The following HTR2C variants were observed in gnomAD, a reference collection of about 807,000 sequenced individuals.
HTR2C encodes 5-hydroxytryptamine (serotonin) receptor 2C, G protein-coupled.
A neutral mutation model predicts 21.0 loss-of-function variants in HTR2C; 5 were observed. That is an observed-to-expected ratio of 0.24 (90% CI 0.12 to 0.50). The LOEUF is 0.50. Ranked by LOEUF, HTR2C falls within the 20% of genes least tolerant of loss-of-function variation. The pLI is 0.98. For missense variants in HTR2C, 271 were observed against 371.2 expected (o/e 0.73, Z 2.22); for synonymous variants, 150 against 145.3 (o/e 1.03, Z -0.23).
chrX:114,627,622 G>T (rs1429063608), intron 2 of HTR2C, among the ~76,000 whole-genome samples: 2 of 111,810 alleles, frequency 1.8e-5, no homozygotes, highest in Non-Finnish European at 3.8e-5. Context: ...CCTTAAGGAA[G>T]TGCTCTTATC....
chrX:114,725,935 A>G lies in HTR2C; in HGVS notation c.-79-923A>G, dbSNP rs1419215440. ...ATCTTCAATGCTGTCAGACAGGGAC[A>G]TTTAAGTCTGCAGAGGTTACTGCTG... On this transcript the variant is annotated intron_variant, in intron 2 of 5. Transcript: ENST00000276198. Among the ~76,000 whole-genome samples the G allele has an allele frequency of 2.8e-5, 3 of 108,510 alleles. No individual in the cohort carries two copies. In the Admixed American group the frequency reaches 3.0e-4, roughly 11 times the overall value. 94.2% of individuals were successfully genotyped at this position (108,510 alleles called of 115,157 possible).
At chrX:114,793,999 T>C (rs2070262608) in intron 4 of HTR2C, among the ~76,000 whole-genome samples, 1 of 111,124 alleles carries the variant, frequency 9.0e-6, no homozygotes, top group South Asian at 3.7e-4. Flanking sequence ...GTATGTACAG[T>C]GTTTTGTTAG....
intron 2 of HTR2C, among the ~76,000 whole-genome samples, chrX:114,650,415 A>G (rs1930515796): frequency 8.9e-6 from 1 of 111,816 alleles, no homozygotes; most frequent in Non-Finnish European, 1.9e-5. Flanking sequence ...TTTTCTCCCT[A>G]ATCTCAGTCT....
At chrX:114,664,068 A>C (rs1931087763) in intron 2 of HTR2C, among the ~76,000 whole-genome samples, 1 of 111,724 alleles carries the variant, frequency 9.0e-6, no homozygotes, top group Non-Finnish European at 1.9e-5. Context: ...TCATGGTATC[A>C]GTGAGGACTA....
intron 4 of HTR2C, among the ~76,000 whole-genome samples, chrX:114,835,505 T>A (rs2070773063): frequency 9.1e-6 from 1 of 109,884 alleles, no homozygotes; most frequent in African/African-American, 3.3e-5. Flanking sequence ...CATCGGCTCC[T>A]GAGGCTTCTG....
intron 2 of HTR2C, among the ~76,000 whole-genome samples, chrX:114,662,136 GA>G (rs781794191): frequency 1.3e-4 from 14 of 111,682 alleles, no homozygotes; most frequent in Non-Finnish European, 2.4e-4. Flanking sequence ...AATACAAAAT[GA>G]AAAGGCTGCC....
At chrX:114,818,706 A>C (rs1262848423) in intron 4 of HTR2C, among the ~76,000 whole-genome samples, 1 of 111,635 alleles carries the variant, frequency 9.0e-6, no homozygotes, top group Admixed American at 9.6e-5. Context: ...AAAAACAGGC[A>C]TACTAGAATA....
intron 2 of HTR2C, among the ~76,000 whole-genome samples, chrX:114,707,042 T>A (rs1426784755): frequency 1.8e-5 from 2 of 111,773 alleles, no homozygotes; most frequent in Non-Finnish European, 3.8e-5. Flanking sequence ...AAATTTCAAT[T>A]ACTATTGCAT....
rs1165309437 is a variant in HTR2C, at chrX:114,908,787, A to G, written c.*1372A>G. 8.9e-6 allele frequency: 1 copy of G among 112,840 alleles called. No homozygotes were observed. The highest frequency in any genetic ancestry group is 3.2e-5 in the African/African-American group (1 of 30,990). 9.3% of individuals were successfully genotyped at this position (112,840 alleles called of 1,213,427 possible). A position where few individuals can be genotyped will look rare whatever the true frequency, so the allele number is the denominator to read the frequency against. On this transcript the variant is annotated 3_prime_UTR_variant, in exon 6 of 6. Transcript: ENST00000276198. ...TCTAAGAATTCAGTAGCATTTTAATAGTTTCTAAACCATGAAAAGTTTTCA... is the reference window on the plus strand; with the variant it reads ...TCTAAGAATTCAGTAGCATTTTAATGGTTTCTAAACCATGAAAAGTTTTCA...
At chrX:114,774,781 A>G in intron 4 of HTR2C, 1 of 336,426 alleles carries the variant, frequency 3.0e-6, no homozygotes, top group South Asian at 5.1e-5. Flanking sequence ...TAGGTCCTTC[A>G]ATGTTTTAAA....
intron 2 of HTR2C, among the ~76,000 whole-genome samples, chrX:114,699,566 G>T (rs1171771846): frequency 4.5e-5 from 5 of 111,929 alleles, no homozygotes; most frequent in African/African-American, 1.6e-4. Context: ...ATAAATTAAT[G>T]ATGAATATCA....
chrX:114,597,079 G>A (rs1358738630), intron 1 of HTR2C, among the ~76,000 whole-genome samples: 2 of 109,295 alleles, frequency 1.8e-5, no homozygotes, highest in South Asian at 4.0e-4. Flanking sequence ...TTATCCCGGC[G>A]TGGTTGTGTG....
Position 114,806,215 on chromosome X carries a change from C to CTATATACCATA in HTR2C, c.350-41758_350-41748dup, listed in dbSNP as rs201977548. Among the ~76,000 whole-genome samples, 10 of 96,923 alleles carry CTATATACCATA rather than the reference C, an allele frequency of 1.0e-4. 1 individual carries two copies. The South Asian group carries it at 2.9e-3, about 28-fold the overall frequency. 84.2% of individuals were successfully genotyped at this position (96,923 alleles called of 115,157 possible). On this transcript the variant is annotated intron_variant, in intron 4 of 5. Transcript: ENST00000276198. Reference sequence around the variant, plus strand: ...CATATATATACCATATATATACACTCTATATACCATATATATACCATATAT... The same window carrying CTATATACCATA: ...CATATATATACCATATATATACACTCTATATACCATATATATACCATATATATACCATATAT...
In HTR2C at chrX:114,635,980, T is replaced by A. The variant is rs184963290; in HGVS notation, c.-80+22099T>A. Among the ~76,000 whole-genome samples, 4 of 111,203 alleles carry A rather than the reference T, an allele frequency of 3.6e-5. No homozygotes were observed. In the East Asian group the frequency reaches 8.5e-4, roughly 24 times the overall value. The stretch of plus-strand genomic sequence containing the variant: ...ACTGCCAGGAAAAGCTGGCTTTGTG[T>A]ATTTTCAGACTGTGAATATAGCTGT... On this transcript the variant is annotated intron_variant, in intron 2 of 5. Transcript: ENST00000276198.
intron 4 of HTR2C, among the ~76,000 whole-genome samples, chrX:114,799,746 A>G (rs189098731): frequency 1.8e-5 from 2 of 110,900 alleles, no homozygotes; most frequent in Admixed American, 9.7e-5. Context: ...ATAAAAGTGA[A>G]TAAGTCCACG....
chrX:114,773,270 A>G (rs782100612), intron 4 of HTR2C, among the ~76,000 whole-genome samples: 49 of 111,435 alleles, frequency 4.4e-4, no homozygotes, highest in African/African-American at 1.5e-3. Context: ...TAGAAATATT[A>G]CCCTTTCCTC....
At chrX:114,703,529 C>T (rs1932635723) in intron 2 of HTR2C, among the ~76,000 whole-genome samples, 1 of 111,538 alleles carries the variant, frequency 9.0e-6, no homozygotes. Context: ...AAAGACACAA[C>T]ATACCAGAAT....
At chrX:114,819,015 T>A (rs2070608938) in intron 4 of HTR2C, among the ~76,000 whole-genome samples, 1 of 111,856 alleles carries the variant, frequency 8.9e-6, no homozygotes, top group African/African-American at 3.2e-5. Context: ...ATTATTTAAC[T>A]AATTTTGACC....
chrX:114,769,853 C>G (rs2069982920), intron 4 of HTR2C, among the ~76,000 whole-genome samples: 1 of 111,632 alleles, frequency 9.0e-6, no homozygotes, highest in South Asian at 3.7e-4. Flanking sequence ...AAGTTACCAT[C>G]TACCTTTTCA....
Sources: gnomAD v4.1 joint callset for allele counts (sites outside exome capture counted in the v4.1 genomes callset) on GRCh38, gnomAD v4.1.1 for gene constraint, MANE v1.5 for transcripts, NCBI Gene and HGNC (gene_info 2026-07-23, HGNC 2026-07-21) for gene names.